Variants in MYO16 observed in about 807,000 individuals in gnomAD.
MYO16 encodes the protein unconventional myosin-XVI.
In MYO16, 94 loss-of-function variants were observed where a neutral mutation model predicts 205.3. The ratio of observed to expected loss-of-function variants is 0.46; its 90% CI spans 0.39 to 0.54. The LOEUF (loss-of-function observed/expected upper bound fraction) is 0.54, where lower values mean the gene tolerates loss of function less well. Ranked by LOEUF, MYO16 falls within the 20% of genes least tolerant of loss-of-function variation. The pLI, the probability that MYO16 is intolerant of heterozygous loss-of-function variation, is 0.00. For synonymous variants in MYO16, 988 were observed against 954.0 expected, an observed-to-expected ratio of 1.04 and a Z score of -0.66; for missense variants, 2,315 against 2,387.5, an observed-to-expected ratio of 0.97 and a Z score of 0.63.
At chr13:108,761,835 A>G (rs1418457107) in intron 4 of MYO16, among the ~76,000 whole-genome samples, 1 of 151,878 alleles carries the variant, frequency 6.6e-6, no homozygotes, top group Non-Finnish European at 1.5e-5. Flanking sequence ...ATTTAACTAG[A>G]CTCTTCTGGT....
chr13:109,044,343 T>A (rs2139587128), intron 23 of MYO16, among the ~76,000 whole-genome samples: 1 of 152,266 alleles, frequency 6.6e-6, no homozygotes, highest in Non-Finnish European at 1.5e-5. Context: ...CTATTAGAGA[T>A]GAGAGTCAGG....
intron 2 of MYO16, among the ~76,000 whole-genome samples, chr13:108,689,712 T>TA (rs201716800): frequency 0.049 from 7,066 of 143,388 alleles, 235 homozygotes; most frequent in South Asian, 0.13. Flanking sequence ...ATATAAAAGA[T>TA]AAAAAAAAAA....
chr13:108,646,824 G>C (rs1434205701), intron 1 of MYO16, among the ~76,000 whole-genome samples: 2 of 151,908 alleles, frequency 1.3e-5, no homozygotes, highest in East Asian at 3.9e-4. Flanking sequence ...CATTTTTACA[G>C]CTTTAAAATA....
At chr13:108,656,932 G>T (rs1331685958) in intron 1 of MYO16, among the ~76,000 whole-genome samples, 1 of 152,136 alleles carries the variant, frequency 6.6e-6, no homozygotes, top group East Asian at 1.9e-4. Flanking sequence ...TTTCCTTGGT[G>T]CTCTATGGAG....
the MYO16 span, among the ~76,000 whole-genome samples, chr13:108,567,186 T>G: frequency 6.6e-6 from 1 of 152,084 alleles, no homozygotes; most frequent in African/African-American, 2.4e-5. Flanking sequence ...TAGTTTAGCC[T>G]CGGAGATAAC....
intron 2 of MYO16, among the ~76,000 whole-genome samples, chr13:108,676,850 C>T (rs138753167): frequency 2.6e-5 from 4 of 152,102 alleles, no homozygotes; most frequent in Non-Finnish European, 2.9e-5. Flanking sequence ...TTCCCCAACC[C>T]GCCAGGAACA....
intron 1 of MYO16, among the ~76,000 whole-genome samples, chr13:108,634,146 C>T (rs1256959045): frequency 1.3e-5 from 2 of 152,176 alleles, no homozygotes; most frequent in African/African-American, 2.4e-5. Flanking sequence ...GCAGGCAGCA[C>T]TCTCCTGTAC....
chr13:108,726,335 C>T (rs773083273), intron 3 of MYO16, among the ~76,000 whole-genome samples: 23 of 151,800 alleles, frequency 1.5e-4, no homozygotes, highest in African/African-American at 5.1e-4. Context: ...CCGAGGTGGG[C>T]GGATCACGAT....
At chr13:108,606,494 A>G (rs1444620152) in intron 1 of MYO16, among the ~76,000 whole-genome samples, 1 of 152,146 alleles carries the variant, frequency 6.6e-6, no homozygotes, top group Non-Finnish European at 1.5e-5. Flanking sequence ...TGGAAGTCCC[A>G]AGCCTTGACA....
chr13:108,792,239 G>C (rs61968800), intron 5 of MYO16, among the ~76,000 whole-genome samples: 3 of 152,096 alleles, frequency 2.0e-5, no homozygotes, highest in South Asian at 4.2e-4. Flanking sequence ...TGTGGATTCC[G>C]CACTCAATAT....
intron 32 of MYO16, among the ~76,000 whole-genome samples, chr13:109,158,723 CT>C (rs1403143035): frequency 4.2e-5 from 6 of 144,574 alleles, no homozygotes; most frequent in South Asian, 4.5e-4. Context: ...GAAAGGTGAG[CT>C]TTTTTAAAAA....
intron 16 of MYO16, among the ~76,000 whole-genome samples, chr13:108,922,640 T>C (rs1881797408): frequency 6.6e-6 from 1 of 152,216 alleles, no homozygotes; most frequent in Non-Finnish European, 1.5e-5. Flanking sequence ...AGGTGGAGCC[T>C]ATCAGGTTCA....
chr13:108,823,191 T>C lies in MYO16; in HGVS notation c.1010T>C (p.Met337Thr). The C allele has an allele frequency of 6.2e-7, 1 of 1,613,102 alleles. No individual in the cohort carries two copies. The highest frequency in any genetic ancestry group is 8.5e-7 in the Non-Finnish European group (1 of 1,179,494). The change falls in exon 9 of 35, where the codon ATG becomes ACG. Residue 337 changes from methionine to threonine, a missense_variant. By Grantham distance (81) the Met-to-Thr change is moderately conservative (BLOSUM62 -1). Around this residue, in one of 3 missense-constraint regions of MYO16, gnomAD observed 1,213 missense variants for 1,274.4 expected, o/e 0.95. Transcript: ENST00000457511. ...GCCGAAATTGCCTGGGAAGAAAAAA[T>C]GAAAGAGCCTTTATCTGCTTCTACC... ...LKAEIAWEEK[M>T]KEPLSASTLA...
intron 1 of MYO16, among the ~76,000 whole-genome samples, chr13:108,648,225 A>G (rs1244905168): frequency 6.6e-6 from 1 of 152,214 alleles, no homozygotes; most frequent in East Asian, 1.9e-4. Context: ...ATCCAGTAAT[A>G]TGCTCCCTGG....
In MYO16 at chr13:108,629,719, A is replaced by G; in HGVS notation, c.-126A>G. 1.2e-6 allele frequency: 1 copy of G among 803,688 alleles called. No individual in the cohort carries two copies. 49.8% of individuals were successfully genotyped at this position (803,688 alleles called of 1,614,324 possible). On this transcript the variant is annotated 5_prime_UTR_variant, in exon 1 of 35. Coordinates refer to ENST00000457511, the MANE Select transcript of MYO16 (RefSeq NM_001198950.3). ...GGATCATGGAACAGAGCCTCCATGC[A>G]ATAGTGCATCCTGAGGTAAACTGTT...
the MYO16 span, among the ~76,000 whole-genome samples, chr13:108,516,539 A>G: frequency 6.6e-6 from 1 of 152,320 alleles, no homozygotes; most frequent in South Asian, 2.1e-4. Flanking sequence ...TAGTCTTTTG[A>G]TTGAGAACTA....
chr13:108,585,893 T>A, the MYO16 span, among the ~76,000 whole-genome samples: 2 of 152,176 alleles, frequency 1.3e-5, no homozygotes, highest in African/African-American at 2.4e-5. Context: ...TCCAAAGTTA[T>A]AAGAAATTGA....
intron 1 of MYO16, among the ~76,000 whole-genome samples, chr13:108,614,224 C>T (rs1037350971): frequency 3.9e-5 from 6 of 151,956 alleles, no homozygotes; most frequent in African/African-American, 1.4e-4. Context: ...ATTCTAAATA[C>T]AAATAGCATC....
At chr13:108,577,424 C>G in the MYO16 span, among the ~76,000 whole-genome samples, 2 of 152,198 alleles carry the variant, frequency 1.3e-5, no homozygotes, top group Non-Finnish European at 2.9e-5. Flanking sequence ...GAAGCTCTCT[C>G]TGTGCTCCAG....
Sources: gnomAD v4.1 joint callset for allele counts (sites outside exome capture counted in the v4.1 genomes callset) on GRCh38, gnomAD v4.1.1 for gene constraint, gnomAD v4.1.1 regional missense constraint, MANE v1.5 for transcripts, NCBI Gene and HGNC (gene_info 2026-07-23, HGNC 2026-07-21) for gene names.